Variants in NRG1 observed in about 807,000 individuals in gnomAD.
The protein encoded by NRG1 is pro-neuregulin-1, membrane-bound isoform.
In NRG1, 18 loss-of-function variants were observed where a neutral mutation model predicts 63.8. The observed-to-expected ratio is 0.28, with a 90% confidence interval of 0.19 to 0.42. The LOEUF is 0.42. NRG1 is among the 10% of genes least tolerant of loss of function. The probability of loss-of-function intolerance (pLI) is 1.00; values close to 1 mark genes in which losing one functional copy is unlikely to be tolerated. For missense variants in NRG1, 762 were observed against 814.7 expected (o/e 0.94, Z 0.79); for synonymous variants, 302 against 301.3 (o/e 1.00, Z -0.02).
intron 5 of NRG1, among the ~76,000 whole-genome samples, chr8:32,624,785 T>G (rs1228032070): frequency 6.6e-6 from 1 of 152,142 alleles, no homozygotes; most frequent in Non-Finnish European, 1.5e-5. Flanking sequence ...TGGGAAGCAT[T>G]TTGAAATCTG....
intron 1 of NRG1, among the ~76,000 whole-genome samples, chr8:32,229,664 G>A (rs1030686308): frequency 2.0e-5 from 3 of 152,084 alleles, no homozygotes; most frequent in Non-Finnish European, 4.4e-5. Context: ...AGTCAATGCG[G>A]AAAACGCTGC....
intron 1 of NRG1, among the ~76,000 whole-genome samples, chr8:31,798,163 A>G (rs1001410476): frequency 6.6e-6 from 1 of 152,168 alleles, no homozygotes; most frequent in Non-Finnish European, 1.5e-5. Flanking sequence ...GGTTAAATAC[A>G]GCTGGAGATG....
At chr8:31,940,798 G>A (rs1340709198) in intron 1 of NRG1, among the ~76,000 whole-genome samples, 3 of 151,994 alleles carry the variant, frequency 2.0e-5, no homozygotes, top group Non-Finnish European at 4.4e-5. Context: ...AGAAAACCTA[G>A]GGGAGATGGA....
rs927494895 is a variant in NRG1, at chr8:31,658,172, T to G, written c.37+18741T>G. Among the ~76,000 whole-genome samples, 3 of 152,282 alleles carry G rather than the reference T, an allele frequency of 2.0e-5. No homozygotes were observed. In the East Asian group the frequency reaches 5.8e-4, roughly 29 times the overall value. ...CTACCCTACGCTGACAAGTTGATTGTCTGAGCGAGGAAACAGCACTCATCA... is the reference window on the plus strand; with the variant it reads ...CTACCCTACGCTGACAAGTTGATTGGCTGAGCGAGGAAACAGCACTCATCA... On this transcript the variant is annotated intron_variant, in intron 1 of 10. Coordinates refer to the NRG1 transcript ENST00000519301.
chr8:31,741,371 G>A (rs1319902114), intron 1 of NRG1, among the ~76,000 whole-genome samples: 1 of 151,766 alleles, frequency 6.6e-6, no homozygotes, highest in East Asian at 1.9e-4. Flanking sequence ...TAAAATAAAA[G>A]TTGAAAGTAA....
At chr8:32,463,635 A>T (rs996152020) in intron 1 of NRG1, among the ~76,000 whole-genome samples, 1 of 152,076 alleles carries the variant, frequency 6.6e-6, no homozygotes, top group East Asian at 2.0e-4. Context: ...TTGAGCCAGG[A>T]GTTCGAGACC....
At chr8:32,768,357 A>T (rs1831578192), downstream of NRG1, among the ~76,000 whole-genome samples, 1 of 152,220 alleles carries the variant, frequency 6.6e-6, no homozygotes, top group South Asian at 2.1e-4. Flanking sequence ...AAAGGTAACG[A>T]AAAATGCTCT....
chr8:32,414,484 A>C (rs1379895473), intron 1 of NRG1, among the ~76,000 whole-genome samples: 2 of 152,174 alleles, frequency 1.3e-5, no homozygotes, highest in Non-Finnish European at 2.9e-5. Flanking sequence ...CATAGTCACT[A>C]TCTTATGTTG....
At chr8:32,080,810 A>T (rs1011469103) in intron 1 of NRG1, among the ~76,000 whole-genome samples, 1 of 149,854 alleles carries the variant, frequency 6.7e-6, no homozygotes, top group Non-Finnish European at 1.5e-5. Context: ...TGTGTGTGTG[A>T]CAGAGACAGA....
At chr8:32,428,995 T>C (rs1450800295) in intron 1 of NRG1, among the ~76,000 whole-genome samples, 1 of 152,196 alleles carries the variant, frequency 6.6e-6, no homozygotes, top group Non-Finnish European at 1.5e-5. Flanking sequence ...CATAAGCTTG[T>C]TCATTCCACT....
intron 1 of NRG1, among the ~76,000 whole-genome samples, chr8:32,447,262 A>T (rs1022812980): frequency 1.3e-5 from 2 of 151,804 alleles, no homozygotes; most frequent in Non-Finnish European, 2.9e-5. Context: ...TGACCTCGTG[A>T]TCCACCTGCA....
intron 1 of NRG1, among the ~76,000 whole-genome samples, chr8:32,209,761 C>A (rs1036030245): frequency 6.9e-6 from 1 of 145,716 alleles, no homozygotes; most frequent in African/African-American, 2.5e-5. Flanking sequence ...TTCCTTCCTT[C>A]CTTCCTTCCT....
chr8:32,436,937 C>G (rs573408302), intron 1 of NRG1, among the ~76,000 whole-genome samples: 1 of 152,076 alleles, frequency 6.6e-6, no homozygotes, highest in African/African-American at 2.4e-5. Context: ...ATCTCTGATG[C>G]ACTATGCCAT....
At chr8:31,988,697 T>A (rs1810504967) in intron 1 of NRG1, among the ~76,000 whole-genome samples, 2 of 152,096 alleles carry the variant, frequency 1.3e-5, no homozygotes, top group African/African-American at 2.4e-5. Context: ...TGATATCGAC[T>A]AGATATGGCA....
At chr8:32,173,485 T>C (rs1018314710) in intron 1 of NRG1, among the ~76,000 whole-genome samples, 1 of 152,068 alleles carries the variant, frequency 6.6e-6, no homozygotes, top group Non-Finnish European at 1.5e-5. Flanking sequence ...AATTCACACA[T>C]AACAATATTA....
chr8:32,770,869 A>C (rs903179646), downstream of NRG1, among the ~76,000 whole-genome samples: 2 of 152,140 alleles, frequency 1.3e-5, no homozygotes, highest in Non-Finnish European at 2.9e-5. Context: ...CGAGTATTCA[A>C]ATGCCACCTT....
intron 3 of NRG1, among the ~76,000 whole-genome samples, chr8:32,606,388 A>G (rs942980268): frequency 7.2e-5 from 11 of 151,984 alleles, no homozygotes; most frequent in Non-Finnish European, 1.5e-4. Flanking sequence ...TACTAGGAAG[A>G]GGCTTCATCT....
chr8:32,366,618 AAT>A (rs1243951864), intron 1 of NRG1, among the ~76,000 whole-genome samples: 1 of 148,640 alleles, frequency 6.7e-6, no homozygotes, highest in Non-Finnish European at 1.5e-5. Context: ...GTATATCCAT[AAT>A]ATATGTATAT....
intron 1 of NRG1, among the ~76,000 whole-genome samples, chr8:31,908,612 A>G (rs1832708189): frequency 6.6e-6 from 1 of 152,220 alleles, no homozygotes; most frequent in African/African-American, 2.4e-5. Flanking sequence ...TAAATGATTC[A>G]TTCTACATTT....
Sources: gnomAD v4.1 joint callset for allele counts (sites outside exome capture counted in the v4.1 genomes callset) on GRCh38, gnomAD v4.1.1 for gene constraint, MANE v1.5 for transcripts, NCBI Gene and HGNC (gene_info 2026-07-23, HGNC 2026-07-21) for gene names.